CTSB: variants seen among roughly 807,000 people sequenced by gnomAD.
CTSB encodes the protein APP secretase.
CTSB carries 57 observed loss-of-function variants against 44.3 expected under a neutral mutation model. The observed-to-expected ratio is 1.29, with a 90% CI of 1.04 to 1.60. CTSB has a LOEUF of 1.60. CTSB is among the 40% of genes most tolerant of loss of function. The pLI is 0.00. For synonymous variants in CTSB, 320 were observed against 168.0 expected (o/e 1.91, Z -7.00); for missense variants, 768 against 443.0 (o/e 1.73, Z -6.59).
intron 3 of CTSB, among the ~76,000 whole-genome samples, chr8:11,852,089 C>T (rs1433698326): frequency 1.3e-5 from 2 of 152,176 alleles, no homozygotes; most frequent in Non-Finnish European, 2.9e-5. Flanking sequence ...CAATAGAAAA[C>T]ACTGGGGGTG....
At position 11,845,105 on chromosome 8, in the gene CTSB, C is replaced by T. The variant is rs1411568238; in HGVS notation, c.*20G>A. 15 of 1,560,416 alleles carry T rather than the reference C, an allele frequency of 9.6e-6. No homozygotes were observed. The highest frequency in any genetic ancestry group is 1.3e-5 in the Non-Finnish European group (15 of 1,131,422). On this transcript the variant is annotated 3_prime_UTR_variant, in exon 10 of 10. Coordinates refer to ENST00000353047, the MANE Select transcript of CTSB (RefSeq NM_001908.5). ...ACCCCGATCTCGCCCCCAGGACTGG[C>T]ACGACAGGCCCACGGCAGATTAGAT...
Position 11,844,416 on chromosome 8 carries a change from A to G in CTSB, c.*709T>C, listed in dbSNP as rs1475627561. ...AAAACAGTAAAAGCTGGTTTCTCCT[A>G]AACTATTTTCCTTGTGGTAGTAGAG... On this transcript the variant is annotated 3_prime_UTR_variant, in exon 10 of 10. Transcript: ENST00000353047. 1 of 152,206 alleles carries G rather than the reference A, an allele frequency of 6.6e-6. No individual in the cohort carries two copies. Among genetic ancestry groups the G allele is most frequent in the South Asian group, 2.1e-4 (1 of 4,828 alleles). The allele number at this position is 152,206 out of a possible 1,614,324, so 9.4% of individuals were successfully genotyped here.
intron 3 of CTSB, among the ~76,000 whole-genome samples, chr8:11,851,594 C>T (rs960404982): frequency 6.6e-6 from 1 of 152,076 alleles, no homozygotes; most frequent in Non-Finnish European, 1.5e-5. Flanking sequence ...TTATTCAGTC[C>T]AGATAGTGTT....
chr8:11,860,260 G>C (rs1788488824), intron 1 of CTSB, among the ~76,000 whole-genome samples: 1 of 152,186 alleles, frequency 6.6e-6, no homozygotes, highest in African/African-American at 2.4e-5. Flanking sequence ...CTGTCATGCA[G>C]TATTTTGCTC....
rs375880637 is a variant in CTSB, at chr8:11,850,961, G to C, written c.232C>G (p.Leu78Val). 28 of 1,612,682 alleles carry C rather than the reference G, an allele frequency of 1.7e-5. No individual in the cohort carries two copies. In the East Asian group the frequency reaches 5.8e-4, roughly 33 times the overall value. The change falls in exon 4 of 10, where the codon CTG becomes GTG. Residue 78 changes from leucine to valine, a missense_variant. Physicochemically the swap from Leu to Val is conservative, Grantham distance 32. Coordinates refer to ENST00000353047, the MANE Select transcript of CTSB (RefSeq NM_001908.5). Reference protein sequence around the residue: ...PPQRVMFTEDLKLPASFDARE... With the variant: ...PPQRVMFTEDVKLPASFDARE... ...GCATCGAAGCTTGCAGGCAGCTTCA[G>C]GTCCTCGGTAAACATAACTCTGGAT...
Position 11,844,881 on chromosome 8 carries a change from G to T in CTSB, c.*244C>A, listed in dbSNP as rs778862896. 5.9e-5 allele frequency: 30 copies of T among 511,640 alleles called. No individual in the cohort carries two copies. The highest frequency in any genetic ancestry group is 9.1e-5 in the Non-Finnish European group (26 of 284,844). The allele number at this position is 511,640 out of a possible 1,614,324, so 31.7% of individuals were successfully genotyped here. A position where few individuals can be genotyped will look rare whatever the true frequency, so the allele number is the denominator to read the frequency against. ...AGCTGGGGCAGCAGGTACTCCCTAC[G>T]GCACTAGTCTACAGGGGGAAGGACG... On this transcript the variant is annotated 3_prime_UTR_variant, in exon 10 of 10. Transcript: ENST00000353047.
chr8:11,856,535 C>A (rs1031554658), intron 1 of CTSB, among the ~76,000 whole-genome samples: 3 of 152,050 alleles, frequency 2.0e-5, no homozygotes, highest in Non-Finnish European at 4.4e-5. Context: ...ATCACTTGAA[C>A]CCAGGAGGCA....
At chr8:11,846,956 G>T (rs1016763932) in intron 8 of CTSB, 96 bp downstream of exon 8, 2 of 723,266 alleles carry the variant, frequency 2.8e-6, no homozygotes, top group East Asian at 2.7e-5. Flanking sequence ...TCACCTGCCT[G>T]CCCAATCCAG....
At chr8:11,861,899 G>T (rs1387232687) in intron 1 of CTSB, among the ~76,000 whole-genome samples, 1 of 152,226 alleles carries the variant, frequency 6.6e-6, no homozygotes, top group African/African-American at 2.4e-5. Flanking sequence ...CTGACGCGAA[G>T]GCCAGCCACA....
intron 4 of CTSB, chr8:11,849,452 T>A: frequency 4.6e-6 from 1 of 218,202 alleles, no homozygotes; most frequent in Non-Finnish European, 9.7e-6. Flanking sequence ...CCCACTCTCC[T>A]GCCTCAACGA....
rs1209977570 is a variant in CTSB at position 11,844,946 on chromosome 8, C to T, written c.*179G>A. ...CGGTGGCTCACATGGCCTGTCTGCA[C>T]TGTAACCACAGGCTGGGATGTAGCC... On this transcript the variant is annotated 3_prime_UTR_variant, in exon 10 of 10. Coordinates refer to ENST00000353047, the MANE Select transcript of CTSB (RefSeq NM_001908.5). 10 of 606,664 alleles carry T rather than the reference C, an allele frequency of 1.6e-5. No individual in the cohort carries two copies. Among genetic ancestry groups the T allele is most frequent in the Non-Finnish European group, 2.7e-5 (9 of 338,902 alleles). The allele number at this position is 606,664 out of a possible 1,614,324, so 37.6% of individuals were successfully genotyped here.
chr8:11,845,596 C>G (rs182876639), intron 9 of CTSB, 65 bp downstream of exon 9: 1 of 1,569,750 alleles, frequency 6.4e-7, no homozygotes. Flanking sequence ...ACAGAGAAAG[C>G]CGAGATGGCC....
intron 3 of CTSB, among the ~76,000 whole-genome samples, chr8:11,852,302 C>CA (rs1025368349): frequency 6.6e-6 from 1 of 152,214 alleles, no homozygotes; most frequent in South Asian, 2.1e-4. Context: ...ACCCGGGAGA[C>CA]AGAGTTTGCA....
chr8:11,853,109 A>T (rs1321278379), intron 2 of CTSB, among the ~76,000 whole-genome samples: 1 of 152,062 alleles, frequency 6.6e-6, no homozygotes, highest in Non-Finnish European at 1.5e-5. Flanking sequence ...ACAACCATAT[A>T]TTCATACACA....
At chr8:11,848,311 G>A (rs566374750) in intron 5 of CTSB, 159 bp from the exon 6 acceptor site, 67 of 705,942 alleles carry the variant, frequency 9.5e-5, no homozygotes, top group African/African-American at 1.6e-4. Context: ...TCCAAGGGAC[G>A]CTCCCTAGAT....
chr8:11,861,862 G>A (rs898387141), intron 1 of CTSB, among the ~76,000 whole-genome samples: 9 of 152,190 alleles, frequency 5.9e-5, no homozygotes, highest in African/African-American at 2.2e-4. Flanking sequence ...TTCAACCGCA[G>A]GCGAGATTAC....
chr8:11,845,583 A>G, intron 9 of CTSB, 78 bp downstream of exon 9: 4 of 1,537,178 alleles, frequency 2.6e-6, no homozygotes, highest in Non-Finnish European at 3.5e-6. Context: ...TGCGGTGGGT[A>G]GAACAGAGAA....
Position 11,849,133 on chromosome 8 carries a change from C to G in CTSB, c.359G>C (p.Arg120Pro). The G allele has an allele frequency of 1.2e-6, 2 of 1,613,174 alleles. No individual in the cohort carries two copies. Among genetic ancestry groups the G allele is most frequent in the Non-Finnish European group, 1.7e-6 (2 of 1,179,798 alleles). The stretch of plus-strand genomic sequence containing the variant: ...GTGCGCATTGGTGTGGATGCAGATC[C>G]GGTCAGAGATGGCTTCCACAGCCCC... ...AFGAVEAISDRICIHTNAHVS... is the reference protein window; with the variant it reads ...AFGAVEAISDPICIHTNAHVS... The change falls in exon 5 of 10, where the codon CGG (arginine) becomes CCG (proline). Residue 120 changes from arginine (R) to proline (P), a missense_variant. Transcript: ENST00000353047.
rs758135336 is a variant in CTSB at position 11,853,353 on chromosome 8, G to A, written c.102C>T (p.Val34=). The A allele has an allele frequency of 6.2e-7, 1 of 1,613,396 alleles. No homozygotes were observed. The highest frequency in any genetic ancestry group is 8.5e-7 in the Non-Finnish European group (1 of 1,179,896). Residue 34 remains valine (V), a synonymous_variant, in exon 2 of 10, where the codon GTC becomes GTT. Coordinates refer to ENST00000353047, the MANE Select transcript of CTSB (RefSeq NM_001908.5). ...HPLSDELVNY[V]NKRNTTWQAG... ...CCTGCCACGTGGTATTCCGTTTGTT[G>A]ACATAGTTGACCAGCTCATCCGACA...
Sources: allele counts gnomAD v4.1 joint callset (sites outside exome capture counted in the v4.1 genomes callset), GRCh38; gene constraint gnomAD v4.1.1; transcripts MANE v1.5; gene names NCBI Gene and HGNC (gene_info 2026-07-23, HGNC 2026-07-21).